Variants in SLC5A10 observed in about 807,000 individuals in gnomAD.
SLC5A10 encodes the protein solute carrier family 5 member 10.
A neutral mutation model predicts 68.9 loss-of-function variants in SLC5A10; 55 were observed. The observed-to-expected ratio is 0.80, with a 90% CI of 0.64 to 1.00. The LOEUF is 1.00. Among genes scored for constraint, SLC5A10 ranks in the 50% least tolerant of loss-of-function variants. SLC5A10 has a pLI of 0.00. For missense variants in SLC5A10, 732 were observed against 819.3 expected (o/e 0.89, Z 1.30); for synonymous variants, 344 against 344.8 (o/e 1.00, Z 0.02).
At chr17:18,994,346 G>A (rs867406549) in intron 9 of SLC5A10, among the ~76,000 whole-genome samples, 14 of 152,302 alleles carry the variant, frequency 9.2e-5, no homozygotes, top group East Asian at 3.9e-4. Flanking sequence ...GGGCGCCCCC[G>A]TGGAGTCTTG....
At chr17:19,020,034 C>A in intron 13 of SLC5A10, 106 bp downstream of exon 13, 1 of 1,430,648 alleles carries the variant, frequency 7.0e-7, no homozygotes, top group Non-Finnish European at 9.6e-7. Context: ...CCTGGACTAC[C>A]TAGCCCCGTC....
intron 3 of SLC5A10, among the ~76,000 whole-genome samples, 177 bp downstream of exon 3, chr17:18,959,416 T>C (rs942866816): frequency 1.4e-4 from 21 of 152,202 alleles, no homozygotes; most frequent in African/African-American, 4.6e-4. Context: ...ATGGCACGAC[T>C]GGCAGGGAGC....
Position 19,013,435 on chromosome 17 carries a change from C to T in SLC5A10, c.1008C>T (p.Ser336=), listed in dbSNP as rs1325244668. The part of the protein sequence containing the change: ...FPDDVGCVVP[S]ECLRACGAEV... ...ATGATGTGGGCTGCGTGGTGCCGTC[C>T]GAGTGCCTGCGGGCCTGCGGGGCCG... is the stretch of plus-strand genomic sequence containing the variant. Residue 336 remains serine, a synonymous_variant, in exon 10 of 15, where the codon TCC becomes TCT. Transcript: ENST00000395645. 14 of 1,605,450 alleles carry T rather than the reference C, an allele frequency of 8.7e-6. No individual in the cohort carries two copies. Among genetic ancestry groups the T allele is most frequent in the Admixed American group, 5.1e-5 (3 of 59,148 alleles).
intron 14 of SLC5A10, 27 bp from the exon 15 acceptor site, chr17:19,020,298 T>C: frequency 6.2e-7 from 1 of 1,613,620 alleles, no homozygotes; most frequent in East Asian, 2.2e-5. Flanking sequence ...CCTTCATCTG[T>C]CCCTCTCCTT....
At chr17:18,952,576 C>T (rs2042390909) in intron 1 of SLC5A10, 3 of 386,630 alleles carry the variant, frequency 7.8e-6, no homozygotes, top group Non-Finnish European at 1.4e-5. Context: ...GGCTTTTGTG[C>T]TGCTGCCCAG....
rs908127302 is a variant in SLC5A10, at chr17:19,000,038, C to T, written c.983-13372C>T. Among the ~76,000 whole-genome samples the T allele has an allele frequency of 6.6e-6, 1 of 152,260 alleles. No individual in the cohort carries two copies. The highest frequency in any genetic ancestry group is 1.5e-5 in the Non-Finnish European group (1 of 68,040). ...AGCCCCAACCCAGCCCAGCCTCACG[C>T]CTTCTCAGGCTGCAGCCAAGTGAGG... On this transcript the variant is annotated intron_variant, in intron 9 of 14. Coordinates refer to ENST00000395645, the MANE Select transcript of SLC5A10 (RefSeq NM_001042450.4). This position sits in a 1 kb window ranked among gnomAD's most constrained non-coding sequence, Gnocchi z 5.2.
intron 5 of SLC5A10, among the ~76,000 whole-genome samples, chr17:18,966,749 C>CA (rs34809691): frequency 0.1 from 9,820 of 97,342 alleles, 995 homozygotes; most frequent in South Asian, 0.29. Context: ...GACTCCGTCT[C>CA]AAAAAAAAAA....
At chr17:18,983,419 T>A (rs2043187969) in intron 9 of SLC5A10, among the ~76,000 whole-genome samples, 1 of 152,220 alleles carries the variant, frequency 6.6e-6, no homozygotes, top group South Asian at 2.1e-4. Context: ...GGTTTTGGTT[T>A]TATAATGGAA....
Position 19,003,975 on chromosome 17 carries a change from G to T in SLC5A10, c.983-9435G>T. On this transcript the variant is annotated intron_variant, in intron 9 of 14. Coordinates refer to ENST00000395645, the MANE Select transcript of SLC5A10 (RefSeq NM_001042450.4). The surrounding 1 kb of genome is among the most constrained non-coding windows in gnomAD (Gnocchi z 4.5). ...TGCTCCTCGCTGTAGAAGAACTCAG[G>T]CTTGGACTCGCTGGAGCGCCAGTTC... is the stretch of plus-strand genomic sequence containing the variant. The T allele has an allele frequency of 6.2e-7, 1 of 1,612,590 alleles. No homozygotes were observed. Among genetic ancestry groups the T allele is most frequent in the Non-Finnish European group, 8.5e-7 (1 of 1,179,756 alleles).
rs1446884753 is a variant in SLC5A10, at chr17:18,954,564, G to T, written c.111+2248G>T. Among the ~76,000 whole-genome samples the T allele has an allele frequency of 2.0e-5, 3 of 152,232 alleles. No homozygotes were observed. The East Asian group carries it at 5.8e-4, about 29-fold the overall frequency. On this transcript the variant is annotated intron_variant, in intron 1 of 14. Coordinates refer to ENST00000395645, the MANE Select transcript of SLC5A10 (RefSeq NM_001042450.4). Reference sequence around the variant, plus strand: ...ACCAGACAGGGAGGATGCTGGAGATGCATCCCACAGGGAGAAGCAGACAGA... The same window carrying T: ...ACCAGACAGGGAGGATGCTGGAGATTCATCCCACAGGGAGAAGCAGACAGA...
intron 1 of SLC5A10, among the ~76,000 whole-genome samples, chr17:18,954,865 G>A (rs993421312): frequency 1.3e-5 from 2 of 152,114 alleles, no homozygotes. Context: ...GAGGTCAGGA[G>A]TTTGAGACCA....
intron 9 of SLC5A10, among the ~76,000 whole-genome samples, chr17:19,006,409 T>C (rs1025679241): frequency 1.4e-5 from 2 of 145,702 alleles, no homozygotes. Flanking sequence ...TTTTCTTTTT[T>C]TTTTTTTTTT....
At position 18,969,093 on chromosome 17, in the gene SLC5A10, G is replaced by A. The variant is rs1367457792; in HGVS notation, c.495G>A (p.Leu165=). The change falls in exon 6 of 15, where the codon CTG becomes CTA. Residue 165 remains leucine, a synonymous_variant. Transcript: ENST00000395645. ...YAGALFVHIC[L]GWNFYLSTIL... ...GGGCTCTGTTTGTGCACATCTGCCT[G>A]GGCTGGAACTTCTACCTCTCCACCA... is the stretch of plus-strand genomic sequence containing the variant. 1 of 1,613,976 alleles carries A rather than the reference G, an allele frequency of 6.2e-7. No homozygotes were observed. The highest frequency in any genetic ancestry group is 8.5e-7 in the Non-Finnish European group (1 of 1,179,996).
chr17:18,978,222 C>T (rs1336916977), intron 9 of SLC5A10: 4 of 1,580,490 alleles, frequency 2.5e-6, no homozygotes, highest in Middle Eastern at 1.7e-4. Context: ...TCCTGGGGGG[C>T]ACTGGGCTCT....
chr17:18,952,139 AC>A, upstream of SLC5A10: 1 of 1,549,466 alleles, frequency 6.5e-7, no homozygotes, highest in Non-Finnish European at 8.7e-7. Context: ...CTGCCAGGAA[AC>A]CCTTTCTGAC....
intron 9 of SLC5A10, among the ~76,000 whole-genome samples, chr17:18,994,844 CCAAA>C (rs762388584): frequency 5.9e-5 from 9 of 152,166 alleles, no homozygotes; most frequent in South Asian, 2.1e-4. Flanking sequence ...ACAAAAGCAG[CCAAA>C]CAAAGTATAT....
chr17:19,014,512 TG>T (rs1309603677), intron 10 of SLC5A10, among the ~76,000 whole-genome samples: 2 of 152,166 alleles, frequency 1.3e-5, no homozygotes, highest in Non-Finnish European at 2.9e-5. Flanking sequence ...CACTGCATGC[TG>T]GGGTGAGGTG....
chr17:18,966,749 C>A (rs1271945757), intron 5 of SLC5A10, among the ~76,000 whole-genome samples: 281 of 97,364 alleles, frequency 2.9e-3, no homozygotes, highest in Middle Eastern at 0.013. Context: ...GACTCCGTCT[C>A]AAAAAAAAAA....
intron 9 of SLC5A10, among the ~76,000 whole-genome samples, chr17:18,986,676 G>A (rs1194932693): frequency 6.6e-6 from 1 of 152,254 alleles, no homozygotes; most frequent in African/African-American, 2.4e-5. Context: ...CGAGGCCTCT[G>A]GAGTGGCTGG....
Sources: gnomAD v4.1 joint callset for allele counts (sites outside exome capture counted in the v4.1 genomes callset) on GRCh38, gnomAD v4.1.1 for gene constraint, Gnocchi (gnomAD v3.1) non-coding constraint, MANE v1.5 for transcripts, NCBI Gene and HGNC (gene_info 2026-07-23, HGNC 2026-07-21) for gene names.